Variants in TP73 observed in about 807,000 individuals in gnomAD.
TP73 encodes p53-like transcription factor.
TP73 carries 25 observed loss-of-function variants against 62.5 expected under a neutral mutation model. The observed-to-expected ratio is 0.40, with a 90% CI of 0.29 to 0.56. TP73 has a LOEUF of 0.56. Among genes scored for constraint, TP73 ranks in the 20% least tolerant of loss-of-function variants. The pLI is 0.46. For missense variants in TP73, 754 were observed against 913.3 expected (o/e 0.83, Z 2.25); for synonymous variants, 423 against 377.5 (o/e 1.12, Z -1.40).
At chr1:3,657,111 G>A (rs1644881861) in intron 1 of TP73, among the ~76,000 whole-genome samples, 1 of 152,244 alleles carries the variant, frequency 6.6e-6, no homozygotes, top group Non-Finnish European at 1.5e-5. Context: ...CACTTTGTAA[G>A]TTTTCTCAGG....
chr1:3,659,004 A>G (rs537515930), intron 1 of TP73: 1 of 151,084 alleles, frequency 6.6e-6, no homozygotes, highest in South Asian at 2.1e-4. Context: ...GGTCTCCTAT[A>G]GTCATATTTA....
intron 3 of TP73, among the ~76,000 whole-genome samples, chr1:3,687,612 A>G (rs1319170798): frequency 6.6e-6 from 1 of 152,108 alleles, no homozygotes; most frequent in Non-Finnish European, 1.5e-5. Flanking sequence ...GATGCTCCAC[A>G]AGGAGGGAGG....
intron 4 of TP73, among the ~76,000 whole-genome samples, chr1:3,718,043 C>G (rs1283861529): frequency 1.3e-5 from 2 of 152,198 alleles, no homozygotes; most frequent in Non-Finnish European, 2.9e-5. Context: ...CCTCCTTGCT[C>G]TCCACCCTGA....
Position 3,732,911 on chromosome 1 carries a change from G to C in TP73, c.1743G>C (p.Arg581=). 1.9e-6 allele frequency: 3 copies of C among 1,611,122 alleles called. No individual in the cohort carries two copies. In the South Asian group the frequency reaches 3.3e-5, roughly 18 times the overall value. ...IGGSGELQRQ[R]VMEAVHFRVR... The stretch of plus-strand genomic sequence containing the variant: ...GCTCAGGGGAACTGCAGCGCCAGCG[G>C]GTCATGGAGGCCGTGCACTTCCGCG... Residue 581 remains arginine (R), a synonymous_variant, in exon 14 of 14, where the codon CGG becomes CGC. Transcript: ENST00000378295.
At chr1:3,727,985 G>GC in intron 8 of TP73, 144 bp from the exon 9 acceptor site, 1 of 1,157,318 alleles carries the variant, frequency 8.6e-7, no homozygotes, top group Non-Finnish European at 1.2e-6. Context: ...CCGCAGGTTT[G>GC]CCCGTCCCTG....
chr1:3,698,407 C>T (rs1429327910), intron 3 of TP73, among the ~76,000 whole-genome samples: 2 of 152,228 alleles, frequency 1.3e-5, no homozygotes, highest in Non-Finnish European at 2.9e-5. Context: ...TAGGCAGCAG[C>T]ACAGGGCCTG....
intron 1 of TP73, among the ~76,000 whole-genome samples, chr1:3,674,043 T>C (rs1244889105): frequency 6.6e-6 from 1 of 152,186 alleles, no homozygotes; most frequent in African/African-American, 2.4e-5. Flanking sequence ...TCCTGGTTGG[T>C]AACAGGTGTG....
intron 1 of TP73, among the ~76,000 whole-genome samples, chr1:3,664,617 G>A (rs928872780): frequency 2.0e-5 from 3 of 152,180 alleles, no homozygotes; most frequent in African/African-American, 7.2e-5. Context: ...CCTGGCCTCC[G>A]GGTCCACCTG....
rs1314893361 is a variant in TP73 at position 3,663,025 on chromosome 1, T to C, written c.-34+10384T>C. On this transcript the variant is annotated intron_variant, in intron 1 of 13. Transcript: ENST00000378295. This position sits in a 1 kb window ranked among gnomAD's most constrained non-coding sequence, Gnocchi z 4.7. The stretch of plus-strand genomic sequence containing the variant: ...CGCTTTCCTCACTGCAGTGGCATCA[T>C]ACAGATGAGGGCTTTGCTGATCATT... Among the ~76,000 whole-genome samples, 2 of 152,350 alleles carry C rather than the reference T, an allele frequency of 1.3e-5. No individual in the cohort carries two copies. Among genetic ancestry groups the C allele is most frequent in the Admixed American group, 6.5e-5 (1 of 15,312 alleles).
intron 1 of TP73, among the ~76,000 whole-genome samples, chr1:3,680,714 C>T (rs1645499313): frequency 6.6e-6 from 1 of 152,224 alleles, no homozygotes; most frequent in Admixed American, 6.5e-5. Context: ...GTGCCAGCCT[C>T]AGCTGGACCT....
chr1:3,692,519 C>T (rs1235831498), intron 3 of TP73, among the ~76,000 whole-genome samples: 1 of 152,202 alleles, frequency 6.6e-6, no homozygotes. Flanking sequence ...TACATGTATC[C>T]ACCAACACGT....
Position 3,729,228 on chromosome 1 carries a change from CAGATGCTTTGCCAAG to C in TP73, c.1075-98_1075-84del, listed in dbSNP as rs1641929444. 3.3e-6 allele frequency: 5 copies of C among 1,533,778 alleles called. No homozygotes were observed. In the East Asian group the frequency reaches 1.1e-4, roughly 35 times the overall value. On this transcript the variant is annotated intron_variant, in intron 9 of 13. Transcript: ENST00000378295. ...GGTGCTGGGGAACCCCCAGAAAGGA[CAGATGCTTTGCCAAG>C]CCCAGGTCCTCCTGAGGCTGCGGCC...
chr1:3,730,920 C>G lies in TP73; in HGVS notation c.1346-7C>G. ...TGCCCTGATGGCCCCACCTGCCTCT[C>G]ACCCAGGCCCCGGGATGCTCAACAA... On this transcript the variant is annotated splice_polypyrimidine_tract_variant and splice_region_variant and intron_variant, in intron 11 of 13. Transcript: ENST00000378295. The G allele has an allele frequency of 6.3e-7, 1 of 1,596,330 alleles. No homozygotes were observed. Among genetic ancestry groups the G allele is most frequent in the South Asian group, 1.1e-5 (1 of 88,658 alleles).
chr1:3,690,018 T>C (rs1645769613), intron 3 of TP73, among the ~76,000 whole-genome samples: 1 of 152,188 alleles, frequency 6.6e-6, no homozygotes, highest in Non-Finnish European at 1.5e-5. Context: ...AGCCCCTCCC[T>C]GGCTGTGCCA....
At chr1:3,721,958 G>T in intron 4 of TP73, 63 bp from the exon 5 acceptor site, 1 of 1,505,474 alleles carries the variant, frequency 6.6e-7, no homozygotes, top group Non-Finnish European at 8.9e-7. Flanking sequence ...CCAATGGGGG[G>T]TGGCCTGGAC....
At chr1:3,704,305 C>A (rs943664487) in intron 3 of TP73, among the ~76,000 whole-genome samples, 4 of 152,188 alleles carry the variant, frequency 2.6e-5, no homozygotes, top group African/African-American at 4.8e-5. Context: ...AAATGGTGAG[C>A]GAGGTGTTTT....
intron 1 of TP73, among the ~76,000 whole-genome samples, chr1:3,667,729 G>A (rs577288967): frequency 1.1e-4 from 16 of 144,534 alleles, no homozygotes; most frequent in African/African-American, 2.6e-4. Flanking sequence ...CAGCCTGGGC[G>A]ACAGAGAGAG....
chr1:3,662,822 G>C lies in TP73; in HGVS notation c.-34+10181G>C, dbSNP rs1645026603. 1.3e-5 allele frequency among the ~76,000 whole-genome samples: 2 copies of C among 152,200 alleles called. No individual in the cohort carries two copies. The highest frequency in any genetic ancestry group is 4.8e-5 in the African/African-American group (2 of 41,458). The stretch of plus-strand genomic sequence containing the variant: ...GGAATCAGCTCCCCACCAGGCCCCA[G>C]GACAGACCTGGCTGGGGAGCGCAGG... On this transcript the variant is annotated intron_variant, in intron 1 of 13. Transcript: ENST00000378295. This position sits in a 1 kb window ranked among gnomAD's most constrained non-coding sequence, Gnocchi z 4.4.
At chr1:3,712,927 C>T (rs1384894956) in intron 4 of TP73, among the ~76,000 whole-genome samples, 1 of 140,886 alleles carries the variant, frequency 7.1e-6, no homozygotes, top group African/African-American at 2.4e-5. Context: ...TCCCCACGAG[C>T]AGCCCCTGCC....
Sources: allele counts gnomAD v4.1 joint callset (sites outside exome capture counted in the v4.1 genomes callset), GRCh38; gene constraint gnomAD v4.1.1; non-coding constraint Gnocchi (gnomAD v3.1); transcripts MANE v1.5; gene names NCBI Gene and HGNC (gene_info 2026-07-23, HGNC 2026-07-21).